Variants in SGCZ observed in about 807,000 individuals in gnomAD.
SGCZ encodes the protein zeta-sarcoglycan.
Under a neutral mutation model 41.3 loss-of-function variants are expected in SGCZ, and 40 were observed. The ratio of observed to expected loss-of-function variants is 0.97; its 90% CI spans 0.75 to 1.26. The LOEUF is 1.26. Among genes scored for constraint, SGCZ ranks in the 50% most tolerant of loss-of-function variants. SGCZ has a pLI of 0.00. For synonymous variants in SGCZ, 206 were observed against 137.5 expected, an observed-to-expected ratio of 1.50 and a Z score of -3.49; for missense variants, 552 against 369.8, an observed-to-expected ratio of 1.49 and a Z score of -4.04.
intron 5 of SGCZ, among the ~76,000 whole-genome samples, chr8:14,132,645 T>C (rs1480921815): frequency 6.6e-6 from 1 of 152,222 alleles, no homozygotes; most frequent in Non-Finnish European, 1.5e-5. Flanking sequence ...TTTTAAACTC[T>C]ATTTATTAAA....
Position 14,181,474 on chromosome 8 carries a change from C to A in SGCZ, c.425-16772G>T, listed in dbSNP as rs557183415. Among the ~76,000 whole-genome samples, 18 of 152,314 alleles carry A rather than the reference C, an allele frequency of 1.2e-4. No homozygotes were observed. In the East Asian group the frequency reaches 3.1e-3, roughly 26 times the overall value. On this transcript the variant is annotated intron_variant, in intron 4 of 7. Transcript: ENST00000382080. ...TGGGCATCCCCCATCCCCAAATCAA[C>A]AGAGAACCAACATAAGCTCTTAAAG...
At chr8:14,620,389 C>T (rs140342208) in intron 1 of SGCZ, among the ~76,000 whole-genome samples, 3,195 of 152,268 alleles carry the variant, frequency 0.021, 45 homozygotes, top group Non-Finnish European at 0.03. Flanking sequence ...AGAAGGACTT[C>T]ATGTCTAAAA....
At chr8:14,350,418 T>A (rs1437321188) in intron 2 of SGCZ, among the ~76,000 whole-genome samples, 1 of 152,144 alleles carries the variant, frequency 6.6e-6, no homozygotes, top group Non-Finnish European at 1.5e-5. Context: ...CTATGGTATG[T>A]CATCCTAATC....
chr8:15,006,881 C>T (rs6530827), intron 1 of SGCZ, among the ~76,000 whole-genome samples: 1 of 152,232 alleles, frequency 6.6e-6, no homozygotes, highest in Non-Finnish European at 1.5e-5. Flanking sequence ...TTTTTGTAAC[C>T]CAGAGAAAGC....
intron 7 of SGCZ, among the ~76,000 whole-genome samples, chr8:14,097,727 C>T (rs978060893): frequency 6.6e-6 from 1 of 152,056 alleles, no homozygotes; most frequent in Non-Finnish European, 1.5e-5. Context: ...GAGTCTAGGT[C>T]TCTTTGTAGG....
intron 1 of SGCZ, among the ~76,000 whole-genome samples, chr8:14,624,015 G>A (rs867577459): frequency 3.9e-5 from 6 of 152,290 alleles, no homozygotes; most frequent in East Asian, 1.9e-4. Flanking sequence ...AAGTCCTAAC[G>A]TAGTTTCTAG....
chr8:14,626,268 C>G (rs1248315384), intron 1 of SGCZ, among the ~76,000 whole-genome samples: 2 of 152,040 alleles, frequency 1.3e-5, no homozygotes, highest in Non-Finnish European at 2.9e-5. Flanking sequence ...AGGTATTAAG[C>G]CCCGCATACA....
At chr8:15,065,032 C>G (rs1453701482) in intron 1 of SGCZ, among the ~76,000 whole-genome samples, 1 of 152,134 alleles carries the variant, frequency 6.6e-6, no homozygotes, top group Non-Finnish European at 1.5e-5. Flanking sequence ...CAATACAACA[C>G]CAGCAAGGGA....
At chr8:14,223,546 A>AT (rs71946746) in intron 4 of SGCZ, among the ~76,000 whole-genome samples, 83,516 of 148,910 alleles carry the variant, frequency 0.56, 23,776 homozygotes, top group South Asian at 0.73. Context: ...ATATATATAT[A>AT]TATTTTAACA....
At chr8:15,153,586 G>C (rs1172106437) in intron 1 of SGCZ, among the ~76,000 whole-genome samples, 1 of 152,088 alleles carries the variant, frequency 6.6e-6, no homozygotes, top group East Asian at 1.9e-4. Context: ...CTCATGAAAG[G>C]CTTGGACTAT....
rs1452599392 is a variant in SGCZ, at chr8:15,017,546, G to C, written c.39+220039C>G. On this transcript the variant is annotated intron_variant, in intron 1 of 7. Coordinates refer to ENST00000382080, the MANE Select transcript of SGCZ (RefSeq NM_139167.4). ...AGACAGGGTCTTACTCTGTCACCCAGGCTTGAGTGCAATGGCACAACCACG... is the reference window on the plus strand; with the variant it reads ...AGACAGGGTCTTACTCTGTCACCCACGCTTGAGTGCAATGGCACAACCACG... 2.6e-5 allele frequency among the ~76,000 whole-genome samples: 4 copies of C among 152,148 alleles called. 1 individual carries two copies. The Middle Eastern group carries it at 0.01, about 388-fold the overall frequency.
intron 5 of SGCZ, among the ~76,000 whole-genome samples, chr8:14,132,140 C>CT (rs1803060363): frequency 2.0e-5 from 3 of 151,990 alleles, no homozygotes; most frequent in Non-Finnish European, 4.4e-5. Context: ...TTCCTTATTC[C>CT]TTTTTTTCAT....
At chr8:14,371,334 T>A (rs1228772286) in intron 2 of SGCZ, among the ~76,000 whole-genome samples, 1 of 152,050 alleles carries the variant, frequency 6.6e-6, no homozygotes, top group African/African-American at 2.4e-5. Context: ...GCAAGCCAGT[T>A]CAGTTAAATG....
At chr8:14,841,107 A>G (rs1181541573) in intron 1 of SGCZ, among the ~76,000 whole-genome samples, 1 of 149,074 alleles carries the variant, frequency 6.7e-6, no homozygotes, top group Non-Finnish European at 1.5e-5. Flanking sequence ...GCATTTGAGA[A>G]GAACAAAAAA....
chr8:14,509,201 T>C (rs1429019057), intron 2 of SGCZ, among the ~76,000 whole-genome samples: 3 of 152,178 alleles, frequency 2.0e-5, no homozygotes, highest in Non-Finnish European at 4.4e-5. Flanking sequence ...CTAAACTTAA[T>C]ACCATTATTA....
At chr8:14,356,274 G>A (rs1181870944) in intron 2 of SGCZ, among the ~76,000 whole-genome samples, 1 of 152,080 alleles carries the variant, frequency 6.6e-6, no homozygotes, top group Non-Finnish European at 1.5e-5. Flanking sequence ...TGGGTTTATT[G>A]GAACAAAACC....
At chr8:15,033,342 C>A (rs994954290) in intron 1 of SGCZ, among the ~76,000 whole-genome samples, 20 of 151,944 alleles carry the variant, frequency 1.3e-4, no homozygotes, top group Non-Finnish European at 1.9e-4. Context: ...GCACCCATGG[C>A]TCCAGGAACC....
chr8:14,368,684 G>T (rs1384741386), intron 2 of SGCZ, among the ~76,000 whole-genome samples: 1 of 151,570 alleles, frequency 6.6e-6, no homozygotes, highest in South Asian at 2.1e-4. Context: ...CATTCCTTAT[G>T]ATGGTAAAGT....
chr8:14,971,456 C>A (rs888184593), intron 1 of SGCZ, among the ~76,000 whole-genome samples: 1 of 151,952 alleles, frequency 6.6e-6, no homozygotes, highest in Non-Finnish European at 1.5e-5. Flanking sequence ...TCTATTCCTA[C>A]TTTCCTGAGA....
Sources: allele counts gnomAD v4.1 joint callset (sites outside exome capture counted in the v4.1 genomes callset), GRCh38; gene constraint gnomAD v4.1.1; transcripts MANE v1.5; gene names NCBI Gene and HGNC (gene_info 2026-07-23, HGNC 2026-07-21).